Variants in PTPRM observed in about 807,000 individuals in gnomAD.
PTPRM encodes the protein protein tyrosine phosphatase receptor type M, also known as receptor-type tyrosine-protein phosphatase mu.
PTPRM carries 47 observed loss-of-function variants against 186.7 expected under a neutral mutation model. The ratio of observed to expected loss-of-function variants is 0.25; its 90% confidence interval spans 0.20 to 0.32. The LOEUF is 0.32. Ranked by LOEUF, PTPRM falls within the 10% of genes least tolerant of loss-of-function variation. PTPRM has a pLI of 1.00. For missense variants in PTPRM, 1,494 were observed against 1,865.0 expected (o/e 0.80, Z 3.66); for synonymous variants, 668 against 674.9 (o/e 0.99, Z 0.16).
chr18:7,792,981 C>G (rs1252538347), intron 2 of PTPRM, among the ~76,000 whole-genome samples: 1 of 152,000 alleles, frequency 6.6e-6, no homozygotes, highest in Non-Finnish European at 1.5e-5. Flanking sequence ...ATTTTATTAC[C>G]AAGTTACCTA....
chr18:7,889,372 C>T (rs2048951532), intron 3 of PTPRM, among the ~76,000 whole-genome samples: 1 of 135,284 alleles, frequency 7.4e-6, no homozygotes, highest in African/African-American at 3.0e-5. Context: ...GGACTCGTTC[C>T]ATCACCCGGG....
intron 30 of PTPRM, among the ~76,000 whole-genome samples, chr18:8,386,811 C>T (rs1389285266): frequency 5.9e-5 from 9 of 152,140 alleles, no homozygotes; most frequent in Admixed American, 3.3e-4. Context: ...TTATTTTTCT[C>T]TTGGCTTTTG....
At chr18:7,726,852 G>A (rs964937164) in intron 1 of PTPRM, among the ~76,000 whole-genome samples, 1 of 151,966 alleles carries the variant, frequency 6.6e-6, no homozygotes, top group South Asian at 2.1e-4. Flanking sequence ...TTATTATTTT[G>A]CAAATCAGTG....
At chr18:8,179,386 C>G (rs1335220148) in intron 14 of PTPRM, among the ~76,000 whole-genome samples, 1 of 151,898 alleles carries the variant, frequency 6.6e-6, no homozygotes, top group African/African-American at 2.4e-5. Flanking sequence ...TCAGTCCATA[C>G]ATTTAACTCC....
rs2043425058 is a variant in PTPRM at position 7,793,066 on chromosome 18, T to A, written c.196+18795T>A. On this transcript the variant is annotated intron_variant, in intron 2 of 32. Coordinates refer to ENST00000580170, the MANE Select transcript of PTPRM (RefSeq NM_001105244.2). ...CAAGGAATGTCCCACAATTAAAAGC[T>A]GGACATTTGGATATTTCAACTTGGA... 2.0e-5 allele frequency among the ~76,000 whole-genome samples: 3 copies of A among 152,232 alleles called. No homozygotes were observed. The South Asian group carries it at 6.2e-4, about 31-fold the overall frequency.
chr18:8,267,171 C>A (rs531350962), intron 19 of PTPRM, among the ~76,000 whole-genome samples: 1 of 152,104 alleles, frequency 6.6e-6, no homozygotes, highest in African/African-American at 2.4e-5. Flanking sequence ...AATTTTATGG[C>A]CAAAATATTT....
chr18:7,870,566 T>C (rs911505556), intron 2 of PTPRM, among the ~76,000 whole-genome samples: 2 of 152,190 alleles, frequency 1.3e-5, no homozygotes, highest in African/African-American at 4.8e-5. Flanking sequence ...AGTACTTAAT[T>C]TTCTGTGTAA....
At chr18:7,940,300 A>T (rs1379053297) in intron 5 of PTPRM, among the ~76,000 whole-genome samples, 1 of 152,232 alleles carries the variant, frequency 6.6e-6, no homozygotes, top group East Asian at 1.9e-4. Context: ...CCCTGCCTTC[A>T]TGGGACTTGT....
At chr18:8,208,515 G>A (rs947801534) in intron 14 of PTPRM, among the ~76,000 whole-genome samples, 1 of 134,870 alleles carries the variant, frequency 7.4e-6, no homozygotes, top group Non-Finnish European at 1.6e-5. Flanking sequence ...GCCAGGCAAG[G>A]CCTATTTTTT....
At chr18:8,353,331 T>C (rs2148337340) in intron 23 of PTPRM, among the ~76,000 whole-genome samples, 1 of 152,260 alleles carries the variant, frequency 6.6e-6, no homozygotes. Flanking sequence ...TGGAAGGCAT[T>C]GAGGTAGTGA....
At chr18:7,838,905 C>T (rs2046191492) in intron 2 of PTPRM, among the ~76,000 whole-genome samples, 1 of 152,206 alleles carries the variant, frequency 6.6e-6, no homozygotes, top group South Asian at 2.1e-4. Context: ...CCACTCTTCC[C>T]TCCCCTTTCC....
chr18:8,396,598 C>T lies in PTPRM; in HGVS notation c.4344+1987C>T, dbSNP rs764548350. Reference sequence around the variant, plus strand: ...GATGGCCGAACCAGAAGGGAGCTTGCGGTCCCAGCCCACGATTCTATCGTA... The same window carrying T: ...GATGGCCGAACCAGAAGGGAGCTTGTGGTCCCAGCCCACGATTCTATCGTA... On this transcript the variant is annotated intron_variant, in intron 32 of 32. Coordinates refer to ENST00000580170, the MANE Select transcript of PTPRM (RefSeq NM_001105244.2). Among the ~76,000 whole-genome samples, 8 of 152,160 alleles carry T rather than the reference C, an allele frequency of 5.3e-5. No homozygotes were observed. The South Asian group carries it at 1.2e-3, about 24-fold the overall frequency.
intron 22 of PTPRM, among the ~76,000 whole-genome samples, chr18:8,339,941 A>T (rs1165072312): frequency 6.6e-6 from 1 of 152,200 alleles, no homozygotes; most frequent in Non-Finnish European, 1.5e-5. Context: ...TACATTCTGC[A>T]TTAAAAACCT....
chr18:8,391,874 G>A (rs973479606), intron 31 of PTPRM, among the ~76,000 whole-genome samples: 3 of 152,180 alleles, frequency 2.0e-5, no homozygotes, highest in Non-Finnish European at 4.4e-5. Context: ...TATACTTTAA[G>A]TATCCTTGTA....
rs549737526 is a variant in PTPRM at position 8,244,088 on chromosome 18, G to T, written c.2331G>T (p.Met777Ile). The change falls in exon 15 of 33, where the codon ATG (methionine) becomes ATT (isoleucine). Residue 777 changes from methionine to isoleucine, a missense_variant. By Grantham distance (10) the Met-to-Ile change is conservative. This residue lies in a region of PTPRM where 1,107 missense variants were observed against 1,350.2 expected (regional missense o/e 0.82). Coordinates refer to ENST00000580170, the MANE Select transcript of PTPRM (RefSeq NM_001105244.2). ...RKLAKKRKET[M>I]SSTRQEMTVM... ...TGGCCAAGAAGCGGAAAGAGACCAT[G>T]AGCAGCACCCGACAGGAGATGACTG... 1.9e-6 allele frequency: 3 copies of T among 1,609,878 alleles called. No individual in the cohort carries two copies. In the African/African-American group the frequency reaches 4.0e-5, roughly 22 times the overall value.
rs375640582 is a variant in PTPRM at position 8,248,318 on chromosome 18, T to A, written c.2554+142T>A. 9.5e-6 allele frequency: 8 copies of A among 844,756 alleles called. 1 individual carries two copies. Among genetic ancestry groups the A allele is most frequent in the East Asian group, 7.3e-5 (3 of 41,362 alleles). The allele number at this position is 844,756 out of a possible 1,614,324, so 52.3% of individuals were successfully genotyped here. On this transcript the variant is annotated intron_variant, in intron 17 of 32. Transcript: ENST00000580170. The stretch of plus-strand genomic sequence containing the variant: ...TGTGGGAGGTGGGTGGCCTGGGTCA[T>A]GGGGTTAAAGGAAAAAGAGACTTTT...
At chr18:7,569,162 C>T (rs2036510739) in intron 1 of PTPRM, among the ~76,000 whole-genome samples, 2 of 152,130 alleles carry the variant, frequency 1.3e-5, no homozygotes, top group African/African-American at 2.4e-5. Flanking sequence ...TTTGGTCCTC[C>T]GGTGCGTGGA....
intron 14 of PTPRM, among the ~76,000 whole-genome samples, chr18:8,177,005 A>G (rs775533824): frequency 5.9e-5 from 9 of 152,172 alleles, no homozygotes; most frequent in Non-Finnish European, 8.8e-5. Flanking sequence ...AAAAATGTGC[A>G]CTGATTTCTC....
In PTPRM at chr18:8,265,114, C is replaced by A. The variant is rs533291901; in HGVS notation, c.2754+11700C>A. On this transcript the variant is annotated intron_variant, in intron 19 of 32. Transcript: ENST00000580170. ...CTGCTGTTGTGTTTGCTTTGAACAG[C>A]GATTTGTTCTTTGGCAGAGGACCCA... Among the ~76,000 whole-genome samples the A allele has an allele frequency of 9.2e-5, 14 of 152,258 alleles. 1 individual carries two copies. The highest frequency in any genetic ancestry group is 2.9e-4 in the African/African-American group (12 of 41,566).
Sources: gnomAD v4.1 joint callset for allele counts (sites outside exome capture counted in the v4.1 genomes callset) on GRCh38, gnomAD v4.1.1 for gene constraint, gnomAD v4.1.1 regional missense constraint, MANE v1.5 for transcripts, NCBI Gene and HGNC (gene_info 2026-07-23, HGNC 2026-07-21) for gene names.